PTPRN2: variants seen among roughly 807,000 people sequenced by gnomAD.
PTPRN2 encodes the protein receptor-type tyrosine-protein phosphatase N2.
Under a neutral mutation model 118.8 loss-of-function variants are expected in PTPRN2, and 74 were observed. The ratio of observed to expected loss-of-function variants is 0.62; its 90% confidence interval spans 0.52 to 0.76. The LOEUF (loss-of-function observed/expected upper bound fraction) is 0.76, where lower values mean the gene tolerates loss of function less well. Among genes scored for constraint, PTPRN2 ranks in the 30% least tolerant of loss-of-function variants. PTPRN2 has a pLI of 0.00. For missense variants in PTPRN2, 1,481 were observed against 1,394.4 expected (o/e 1.06, Z -0.99); for synonymous variants, 641 against 608.0 (o/e 1.05, Z -0.80).
Position 158,055,707 on chromosome 7 carries a change from A to C in PTPRN2, c.1723+25591T>G, listed in dbSNP as rs142934443. On this transcript the variant is annotated intron_variant, in intron 11 of 22. Transcript: ENST00000389418. ...CCAAACAGGGAAGGGCCCCCTGTCC[A>C]GTGGACACGTAACCCATGTGACCTT... Among the ~76,000 whole-genome samples the C allele has an allele frequency of 3.3e-5, 5 of 152,304 alleles. No homozygotes were observed. The East Asian group carries it at 9.7e-4, about 29-fold the overall frequency.
At chr7:157,573,990 C>T (rs1420838306) in intron 19 of PTPRN2, among the ~76,000 whole-genome samples, 1 of 152,114 alleles carries the variant, frequency 6.6e-6, no homozygotes, top group East Asian at 1.9e-4. Flanking sequence ...TATTATTACA[C>T]GCAAAGCATC....
chr7:158,007,628 AAG>A (rs1805719499), intron 11 of PTPRN2, among the ~76,000 whole-genome samples: 1 of 152,162 alleles, frequency 6.6e-6, no homozygotes, highest in Non-Finnish European at 1.5e-5. Flanking sequence ...GAAGACACAG[AAG>A]GGGACAGGAA....
intron 10 of PTPRN2, among the ~76,000 whole-genome samples, chr7:158,104,006 C>T (rs1008229469): frequency 2.0e-5 from 3 of 152,096 alleles, no homozygotes; most frequent in Non-Finnish European, 2.9e-5. Flanking sequence ...GGATTACAGG[C>T]ACCTGCCACC....
intron 11 of PTPRN2, among the ~76,000 whole-genome samples, chr7:157,943,709 C>T (rs1224428234): frequency 6.6e-6 from 1 of 151,860 alleles, no homozygotes; most frequent in African/African-American, 2.4e-5. Context: ...AGGCCAAGCG[C>T]TCCCTACCCT....
chr7:158,246,124 T>A (rs1404511325), intron 3 of PTPRN2, among the ~76,000 whole-genome samples: 1 of 74,046 alleles, frequency 1.4e-5, no homozygotes, highest in Non-Finnish European at 2.6e-5. Flanking sequence ...CCAGGCTGCA[T>A]TCACTAATTG....
At chr7:158,279,943 G>A (rs576599024) in intron 3 of PTPRN2, among the ~76,000 whole-genome samples, 1 of 152,290 alleles carries the variant, frequency 6.6e-6, no homozygotes, top group Admixed American at 6.5e-5. Context: ...CCTTAGTTCC[G>A]TGAAGACAGT....
At chr7:158,429,152 G>T (rs2129427991) in intron 2 of PTPRN2, among the ~76,000 whole-genome samples, 1 of 152,336 alleles carries the variant, frequency 6.6e-6, no homozygotes, top group Non-Finnish European at 1.5e-5. Context: ...TGTTTCGGAG[G>T]TGCCCTACCC....
chr7:158,283,145 C>T (rs187872226), intron 3 of PTPRN2, among the ~76,000 whole-genome samples: 59 of 152,294 alleles, frequency 3.9e-4, no homozygotes, highest in Admixed American at 1.4e-3. Context: ...TTCGACAACA[C>T]GCATGAAAAA....
intron 12 of PTPRN2, among the ~76,000 whole-genome samples, chr7:157,754,438 G>A (rs367974018): frequency 6.6e-5 from 10 of 152,382 alleles, no homozygotes; most frequent in East Asian, 1.9e-4. Flanking sequence ...AAAGAAAACC[G>A]GGAGGAGGCG....
chr7:157,919,260 T>C lies in PTPRN2; in HGVS notation c.1724-20523A>G, dbSNP rs112570866. Among the ~76,000 whole-genome samples, 549 of 152,202 alleles carry C rather than the reference T, an allele frequency of 3.6e-3. 2 individuals carry two copies. Among genetic ancestry groups the C allele is most frequent in the African/African-American group, 0.012 (512 of 41,510 alleles). ...ATTCTCTAAGCAAAATCTAATAAAT[T>C]AGAAATTAATAAACACAGAAAACAA... On this transcript the variant is annotated intron_variant, in intron 11 of 22. Transcript: ENST00000389418.
Position 158,133,796 on chromosome 7 carries a change from C to T in PTPRN2, c.1437G>A (p.Gly479=). 3.7e-6 allele frequency: 6 copies of T among 1,613,992 alleles called. 1 individual carries two copies. In the Admixed American group the frequency reaches 1.0e-4, roughly 27 times the overall value. Residue 479 remains glycine, a synonymous_variant, in exon 9 of 23, where the codon GGG becomes GGA. Transcript: ENST00000389418. Reference sequence around the variant, plus strand: ...GAAGGCTCTGCTCCTCCTTCGAGGGCCCAGGCATCTGGTTTTGGAGCTCCC... The same window carrying T: ...GAAGGCTCTGCTCCTCCTTCGAGGGTCCAGGCATCTGGTTTTGGAGCTCCC... ...AFGELQNQMP[G]PSKEEQSLPA...
chr7:158,251,361 C>A (rs2150893504), intron 3 of PTPRN2, among the ~76,000 whole-genome samples: 1 of 152,164 alleles, frequency 6.6e-6, no homozygotes, highest in South Asian at 2.1e-4. Flanking sequence ...GGTATGTGTG[C>A]ATGTGGGGCG....
At chr7:158,381,893 A>C (rs2151347213) in intron 2 of PTPRN2, among the ~76,000 whole-genome samples, 1 of 152,352 alleles carries the variant, frequency 6.6e-6, no homozygotes, top group Non-Finnish European at 1.5e-5. Context: ...TAGAACCATC[A>C]GATCTTGTAA....
At chr7:158,127,369 C>G (rs1289567828) in intron 9 of PTPRN2, among the ~76,000 whole-genome samples, 1 of 152,142 alleles carries the variant, frequency 6.6e-6, no homozygotes, top group Non-Finnish European at 1.5e-5. Flanking sequence ...TCTGCTCCAC[C>G]TGAGCCCCGT....
intron 3 of PTPRN2, among the ~76,000 whole-genome samples, chr7:158,303,628 A>G (rs574406625): frequency 3.9e-5 from 6 of 152,382 alleles, no homozygotes; most frequent in African/African-American, 1.4e-4. Context: ...TTGTTGGTAT[A>G]TAAAACAAGC....
chr7:158,075,157 C>T (rs1355863505), intron 11 of PTPRN2, among the ~76,000 whole-genome samples: 1 of 152,188 alleles, frequency 6.6e-6, no homozygotes, highest in Non-Finnish European at 1.5e-5. Context: ...TGGGTGCTGC[C>T]AGCCCTGAGC....
chr7:158,488,902 A>C (rs1299734823), intron 2 of PTPRN2, among the ~76,000 whole-genome samples: 1 of 152,178 alleles, frequency 6.6e-6, no homozygotes, highest in Non-Finnish European at 1.5e-5. Context: ...AGGATACTGG[A>C]GTTTAACCCT....
At chr7:158,492,820 C>A (rs1410474297) in intron 1 of PTPRN2, among the ~76,000 whole-genome samples, 1 of 152,248 alleles carries the variant, frequency 6.6e-6, no homozygotes, top group East Asian at 1.9e-4. Context: ...ACTGGTTCAA[C>A]CCAGCCCAGG....
chr7:157,818,327 CAG>C (rs1806569415), intron 12 of PTPRN2, among the ~76,000 whole-genome samples: 1 of 152,050 alleles, frequency 6.6e-6, no homozygotes, highest in Non-Finnish European at 1.5e-5. Flanking sequence ...GGTCTAGCAG[CAG>C]AGAAACAGAT....
Sources: allele counts gnomAD v4.1 joint callset (sites outside exome capture counted in the v4.1 genomes callset), GRCh38; gene constraint gnomAD v4.1.1; transcripts MANE v1.5; gene names NCBI Gene and HGNC (gene_info 2026-07-23, HGNC 2026-07-21).